Variants in KIF13B observed in about 807,000 individuals in gnomAD.
The protein encoded by KIF13B is kinesin family member 13B.
KIF13B carries 127 observed loss-of-function variants against 222.0 expected under a neutral mutation model. The ratio of observed to expected loss-of-function variants is 0.57; its 90% confidence interval spans 0.50 to 0.66. The LOEUF is 0.66. Among genes scored for constraint, KIF13B ranks in the 30% least tolerant of loss-of-function variants. KIF13B has a pLI of 0.00. For missense variants in KIF13B, 2,173 were observed against 2,379.0 expected (o/e 0.91, Z 1.80); for synonymous variants, 976 against 919.0 (o/e 1.06, Z -1.12).
chr8:29,145,684 G>A (rs6993361), intron 18 of KIF13B, among the ~76,000 whole-genome samples: 27,274 of 151,806 alleles, frequency 0.18, 2,653 homozygotes, highest in Admixed American at 0.29. Flanking sequence ...AAGTTTTGCT[G>A]TGTTGACTAC....
intron 11 of KIF13B, 129 bp downstream of exon 11, chr8:29,167,244 C>A (rs1812043170): frequency 4.6e-6 from 3 of 652,500 alleles, no homozygotes; most frequent in Non-Finnish European, 8.2e-6. Context: ...TCCCAAAGTT[C>A]TCTTGCTGTA....
chr8:29,152,873 T>C (rs1458480440), intron 14 of KIF13B, among the ~76,000 whole-genome samples: 1 of 152,186 alleles, frequency 6.6e-6, no homozygotes, highest in Non-Finnish European at 1.5e-5. Context: ...CCACCGCACC[T>C]AGCCGCAAAG....
chr8:29,241,519 T>C (rs1197995090), intron 2 of KIF13B, among the ~76,000 whole-genome samples: 1 of 152,222 alleles, frequency 6.6e-6, no homozygotes, highest in Non-Finnish European at 1.5e-5. Flanking sequence ...CCAGAGCTTT[T>C]CAGAGAGTCT....
intron 26 of KIF13B, 110 bp from the exon 27 acceptor site, chr8:29,124,233 T>C (rs897359142): frequency 4.8e-6 from 3 of 621,594 alleles, no homozygotes; most frequent in Admixed American, 3.3e-5. Context: ...TAAGGTAGTA[T>C]ACAATAATTT....
At chr8:29,262,483 G>A (rs1816713748) in intron 1 of KIF13B, among the ~76,000 whole-genome samples, 1 of 152,132 alleles carries the variant, frequency 6.6e-6, no homozygotes, top group African/African-American at 2.4e-5. Context: ...TCTTCCCGCC[G>A]CGGGCCAAGG....
chr8:29,181,139 AGGGT>A (rs911036362), intron 7 of KIF13B, among the ~76,000 whole-genome samples: 5 of 152,190 alleles, frequency 3.3e-5, no homozygotes, highest in Non-Finnish European at 7.3e-5. Flanking sequence ...ATTCTCCTTA[AGGGT>A]GTAGGCATGC....
intron 37 of KIF13B, among the ~76,000 whole-genome samples, chr8:29,076,998 G>C (rs1479714884): frequency 6.6e-6 from 1 of 152,156 alleles, no homozygotes; most frequent in East Asian, 1.9e-4. Flanking sequence ...AGAAAATAAG[G>C]TGGAAGGACC....
intron 31 of KIF13B, 47 bp from the exon 32 acceptor site, chr8:29,113,602 G>C: frequency 8.8e-7 from 1 of 1,132,254 alleles, no homozygotes; most frequent in Non-Finnish European, 1.3e-6. Context: ...CTGAAAAACT[G>C]AGTTTACATT....
intron 32 of KIF13B, 53 bp from the exon 33 acceptor site, chr8:29,110,123 ACG>A: frequency 7.2e-7 from 1 of 1,388,414 alleles, no homozygotes; most frequent in African/African-American, 1.4e-5. Context: ...ACACACACAC[ACG>A]TACACGCGTG....
At chr8:29,088,451 T>C (rs1248395125) in intron 37 of KIF13B, among the ~76,000 whole-genome samples, 1 of 152,160 alleles carries the variant, frequency 6.6e-6, no homozygotes, top group African/African-American at 2.4e-5. Flanking sequence ...CCCCACTCCC[T>C]TTACTTCCTG....
In KIF13B at chr8:29,176,119, G is replaced by A; in HGVS notation, c.894C>T (p.Asn298=). 1 of 1,613,768 alleles carries A rather than the reference G, an allele frequency of 6.2e-7. No individual in the cohort carries two copies. The change falls in exon 10 of 40, where the codon AAC becomes AAT. Residue 298 remains asparagine, a synonymous_variant. Transcript: ENST00000524189. The part of the protein sequence containing the change: ...SALADQSAGK[N]KNKFVPYRDS... ...CACGATATGGAACAAATTTATTCTTGTTTTTGCCAGCACTCTGATCTGCAA... is the reference window on the plus strand; with the variant it reads ...CACGATATGGAACAAATTTATTCTTATTTTTGCCAGCACTCTGATCTGCAA...
chr8:29,158,280 C>A (rs1205136406), intron 13 of KIF13B, among the ~76,000 whole-genome samples: 6 of 152,034 alleles, frequency 3.9e-5, no homozygotes, highest in Non-Finnish European at 7.4e-5. Context: ...TAACAAAGGC[C>A]TGGCATATGT....
chr8:29,105,413 T>C (rs1257135197), intron 35 of KIF13B, among the ~76,000 whole-genome samples: 2 of 152,140 alleles, frequency 1.3e-5, no homozygotes, highest in African/African-American at 4.8e-5. Flanking sequence ...CTCAGTGTCA[T>C]CCTTCAGGGG....
chr8:29,146,279 C>T, intron 18 of KIF13B, 99 bp downstream of exon 18: 1 of 1,207,788 alleles, frequency 8.3e-7, no homozygotes, highest in East Asian at 2.3e-5. Flanking sequence ...GGACTTGGGG[C>T]AGGCACAGAC....
intron 11 of KIF13B, among the ~76,000 whole-genome samples, chr8:29,167,097 T>C (rs1812035618): frequency 6.6e-6 from 1 of 152,226 alleles, no homozygotes; most frequent in South Asian, 2.1e-4. Flanking sequence ...TATTCTATTA[T>C]ACCTCTCTCT....
chr8:29,194,101 G>A (rs983926377), intron 3 of KIF13B, among the ~76,000 whole-genome samples: 33 of 151,730 alleles, frequency 2.2e-4, no homozygotes, highest in Non-Finnish European at 1.2e-4. Flanking sequence ...TGGGATTACA[G>A]GCATGAGCCA....
intron 5 of KIF13B, 125 bp downstream of exon 5, chr8:29,188,390 C>T: frequency 3.4e-6 from 2 of 590,266 alleles, no homozygotes; most frequent in South Asian, 2.3e-5. Flanking sequence ...CTTTCAACAT[C>T]TACAGTACTT....
At chr8:29,122,231 G>A (rs1046777111) in intron 29 of KIF13B, among the ~76,000 whole-genome samples, 1 of 152,122 alleles carries the variant, frequency 6.6e-6, no homozygotes, top group Non-Finnish European at 1.5e-5. Context: ...TCCAGCCTGG[G>A]TGACAGATCA....
Position 29,071,388 on chromosome 8 carries a change from G to A in KIF13B, c.5218+232C>T, listed in dbSNP as rs2133463331. ...AACAGCCATGGCGATGGGGGGATGG[G>A]TACAGGATCTTTGTAGCCAAAATCA... is the stretch of plus-strand genomic sequence containing the variant. On this transcript the variant is annotated intron_variant, in intron 39 of 39. Coordinates refer to ENST00000524189, the MANE Select transcript of KIF13B (RefSeq NM_015254.4). The surrounding 1 kb of genome is among the most constrained non-coding windows in gnomAD (Gnocchi z 4.9). Among the ~76,000 whole-genome samples, 1 of 152,234 alleles carries A rather than the reference G, an allele frequency of 6.6e-6. No individual in the cohort carries two copies. The highest frequency in any genetic ancestry group is 1.9e-4 in the East Asian group (1 of 5,172).
Sources: allele counts gnomAD v4.1 joint callset (sites outside exome capture counted in the v4.1 genomes callset), GRCh38; gene constraint gnomAD v4.1.1; non-coding constraint Gnocchi (gnomAD v3.1); transcripts MANE v1.5; gene names NCBI Gene and HGNC (gene_info 2026-07-23, HGNC 2026-07-21).